The following NUP210L variants were observed in gnomAD, a reference collection of about 807,000 sequenced individuals.
The protein encoded by NUP210L is nucleoporin 210 like, also known as nuclear pore membrane glycoprotein 210-like.
NUP210L carries 74 observed loss-of-function variants against 208.5 expected under a neutral mutation model. That is an observed-to-expected ratio of 0.35 (90% CI 0.29 to 0.43). NUP210L has a LOEUF of 0.43. Ranked by LOEUF, NUP210L falls within the 20% of genes least tolerant of loss-of-function variation. The probability of loss-of-function intolerance (pLI) is 1.00; values close to 1 mark genes in which losing one functional copy is unlikely to be tolerated. For missense variants in NUP210L, 1,843 were observed against 2,289.4 expected (o/e 0.81, Z 3.98); for synonymous variants, 780 against 816.9 (o/e 0.95, Z 0.77).
In NUP210L at chr1:154,058,423, T is replaced by C. The variant is rs1653982864; in HGVS notation, c.2979+142A>G. 9 of 1,105,180 alleles carry C rather than the reference T, an allele frequency of 8.1e-6. No homozygotes were observed. In the East Asian group the frequency reaches 1.7e-4, roughly 21 times the overall value. The allele number at this position is 1,105,180 out of a possible 1,614,324, so 68.5% of individuals were successfully genotyped here. ...CATCTGTTTAATGTTGAAATGTTGT[T>C]CTTTAAGGGCAGGTATTTCCATTAA... is the stretch of plus-strand genomic sequence containing the variant. On this transcript the variant is annotated intron_variant, in intron 21 of 39. Transcript: ENST00000368559.
intron 28 of NUP210L, among the ~76,000 whole-genome samples, chr1:154,028,155 G>A (rs1571187577): frequency 6.6e-6 from 1 of 152,234 alleles, no homozygotes; most frequent in Non-Finnish European, 1.5e-5. Flanking sequence ...CCATATAAGT[G>A]ATAATTTGTT....
exon 3 of NUP210L, chr1:154,143,483 C>T (rs1658955913): frequency 7.4e-6 from 12 of 1,613,720 alleles, no homozygotes; most frequent in Middle Eastern, 1.6e-4. Context: ...GTTCCAGTGG[C>T]GAATCATCTA....
intron 16 of NUP210L, among the ~76,000 whole-genome samples, chr1:154,072,258 T>G (rs1654777021): frequency 6.6e-6 from 1 of 151,890 alleles, no homozygotes; most frequent in South Asian, 2.1e-4. Flanking sequence ...CATAAAGTGT[T>G]CCCTGTTCAC....
At chr1:154,142,757 C>T (rs185756952) in intron 3 of NUP210L, among the ~76,000 whole-genome samples, 3 of 151,954 alleles carry the variant, frequency 2.0e-5, no homozygotes, top group Admixed American at 6.6e-5. Context: ...GGTGTGGTGG[C>T]GCGTGCCTGT....
chr1:154,098,141 C>A (rs989428028), intron 14 of NUP210L, among the ~76,000 whole-genome samples: 9 of 152,212 alleles, frequency 5.9e-5, no homozygotes, highest in African/African-American at 2.2e-4. Context: ...GGCACTGGCT[C>A]TCTGCAAGCC....
intron 16 of NUP210L, among the ~76,000 whole-genome samples, chr1:154,082,565 C>T (rs962757237): frequency 2.6e-5 from 4 of 152,170 alleles, no homozygotes; most frequent in African/African-American, 9.7e-5. Flanking sequence ...ATATCTCACC[C>T]TATGTATCTC....
At chr1:154,066,468 G>A (rs922909146) in intron 17 of NUP210L, among the ~76,000 whole-genome samples, 9 of 152,116 alleles carry the variant, frequency 5.9e-5, no homozygotes, top group Non-Finnish European at 1.5e-5. Context: ...AAAATTAGCC[G>A]GGTGCGGTGG....
chr1:154,002,822 G>A (rs913923211), intron 35 of NUP210L, among the ~76,000 whole-genome samples: 1 of 151,892 alleles, frequency 6.6e-6, no homozygotes, highest in African/African-American at 2.4e-5. Flanking sequence ...AACACAAGCA[G>A]GGCAATTAAG....
intron 33 of NUP210L, among the ~76,000 whole-genome samples, chr1:154,015,581 G>A (rs1343132877): frequency 6.6e-6 from 1 of 152,088 alleles, no homozygotes; most frequent in Non-Finnish European, 1.5e-5. Context: ...TTAGCTGGGT[G>A]TGGTGGCAGG....
In NUP210L at chr1:154,134,158, A is replaced by T. The variant is rs990920017; in HGVS notation, c.1009+1656T>A. On this transcript the variant is annotated intron_variant, in intron 7 of 39. Coordinates refer to ENST00000368559, the Ensembl canonical transcript of NUP210L. ...AGAGCAAAACTCCACCTCAAAAAAAAAATAATAATAATAATAATAATATTT... is the reference window on the plus strand; with the variant it reads ...AGAGCAAAACTCCACCTCAAAAAAATAATAATAATAATAATAATAATATTT... 2.6e-4 allele frequency among the ~76,000 whole-genome samples: 39 copies of T among 150,412 alleles called. 1 individual carries two copies. The highest frequency in any genetic ancestry group is 2.3e-3 in the East Asian group (12 of 5,144).
At chr1:153,999,878 G>A (rs915994905) in intron 37 of NUP210L, among the ~76,000 whole-genome samples, 1 of 149,614 alleles carries the variant, frequency 6.7e-6, no homozygotes, top group East Asian at 2.0e-4. Context: ...AGGCTGGAGT[G>A]CAGTGGCACA....
Position 153,995,186 on chromosome 1 carries a change from C to T in NUP210L, c.5387-6G>A, listed in dbSNP as rs778003253. 4 of 1,594,762 alleles carry T rather than the reference C, an allele frequency of 2.5e-6. No homozygotes were observed. The highest frequency in any genetic ancestry group is 3.4e-6 in the Non-Finnish European group (4 of 1,164,544). The stretch of plus-strand genomic sequence containing the variant: ...GGCGGAATCTTCACAGTGATCTATA[C>T]ATTGGCCATAACAAAACAAGATAAT... On this transcript the variant is annotated splice_polypyrimidine_tract_variant and splice_region_variant and intron_variant, in intron 37 of 39. Transcript: ENST00000368559.
intron 37 of NUP210L, among the ~76,000 whole-genome samples, 171 bp downstream of exon 37, chr1:154,000,685 G>T (rs1334582907): frequency 6.6e-6 from 1 of 152,208 alleles, no homozygotes; most frequent in Admixed American, 6.5e-5. Flanking sequence ...ATGCTATTTG[G>T]AACAGTGCAC....
chr1:154,083,639 A>C (rs1161108575), intron 16 of NUP210L, among the ~76,000 whole-genome samples: 1 of 152,056 alleles, frequency 6.6e-6, no homozygotes, highest in East Asian at 1.9e-4. Context: ...TGTGTGGGGA[A>C]AAAACCCATA....
intron 37 of NUP210L, chr1:153,995,997 TAAAAA>T (rs530432726): frequency 1.2e-5 from 4 of 340,560 alleles, no homozygotes; most frequent in Non-Finnish European, 2.3e-5. Context: ...TGAGGAGACT[TAAAAA>T]AAAAATGCGG....
chr1:154,086,676 G>C (rs761577627), intron 16 of NUP210L, among the ~76,000 whole-genome samples: 4 of 151,926 alleles, frequency 2.6e-5, no homozygotes, highest in Non-Finnish European at 5.9e-5. Flanking sequence ...GCTGGGTATG[G>C]TGGCATGTGA....
intron 27 of NUP210L, among the ~76,000 whole-genome samples, chr1:154,044,420 AG>A (rs1368367000): frequency 6.6e-6 from 1 of 151,332 alleles, no homozygotes; most frequent in Non-Finnish European, 1.5e-5. Flanking sequence ...AAAAAAAAAA[AG>A]AAAAAGAAAA....
intron 27 of NUP210L, chr1:154,040,128 T>C (rs922411514): frequency 1.3e-5 from 2 of 152,140 alleles, no homozygotes; most frequent in African/African-American, 4.8e-5. Context: ...TCTCAAATGA[T>C]CCTCCTGCCT....
intron 13 of NUP210L, 30 bp from the exon 14 acceptor site, chr1:154,100,173 G>A: frequency 1.9e-6 from 3 of 1,611,336 alleles, no homozygotes; most frequent in East Asian, 2.2e-5. Context: ...ATTTTGGCAG[G>A]GCGTGGTGGC....
Sources: gnomAD v4.1 joint callset for allele counts (sites outside exome capture counted in the v4.1 genomes callset) on GRCh38, gnomAD v4.1.1 for gene constraint, MANE v1.5 for transcripts, NCBI Gene and HGNC (gene_info 2026-07-23, HGNC 2026-07-21) for gene names.